Variants in SCARA5 observed in about 807,000 individuals in gnomAD.
The protein encoded by SCARA5 is scavenger receptor class A, member 5 (putative).
In SCARA5, 45 loss-of-function variants were observed where a neutral mutation model predicts 46.3. The ratio of observed to expected loss-of-function variants is 0.97; its 90% CI spans 0.76 to 1.24. SCARA5 has a LOEUF of 1.24. Ranked by LOEUF, SCARA5 falls within the 50% of genes most tolerant of loss-of-function variation. The pLI is 0.00. For synonymous variants in SCARA5, 333 were observed against 306.5 expected (o/e 1.09, Z -0.90); for missense variants, 680 against 689.0 (o/e 0.99, Z 0.15).
chr8:27,906,742 T>G (rs1441283359), intron 6 of SCARA5, among the ~76,000 whole-genome samples: 2 of 152,266 alleles, frequency 1.3e-5, no homozygotes, highest in Non-Finnish European at 2.9e-5. Context: ...GCTCTTGCTC[T>G]GTCACCCAGG....
chr8:27,900,487 C>T (rs1344465105), intron 7 of SCARA5, among the ~76,000 whole-genome samples: 2 of 152,150 alleles, frequency 1.3e-5, no homozygotes, highest in African/African-American at 2.4e-5. Flanking sequence ...AAAACATGTA[C>T]GAAGTGTTAA....
At position 27,920,486 on chromosome 8, in the gene SCARA5, C is replaced by T. The variant is rs894887855; in HGVS notation, c.916+1085G>A. Among the ~76,000 whole-genome samples the T allele has an allele frequency of 2.6e-5, 4 of 151,970 alleles. No homozygotes were observed. In the Middle Eastern group the frequency reaches 0.014, roughly 517 times the overall value. On this transcript the variant is annotated intron_variant, in intron 4 of 8. Coordinates refer to ENST00000354914, the MANE Select transcript of SCARA5 (RefSeq NM_173833.6). ...AAAATTAGCCAGGAGTGGTGGCACA[C>T]ACCTGTAATCCTAGCTACTCAGAAG...
intron 8 of SCARA5, among the ~76,000 whole-genome samples, chr8:27,872,318 C>T (rs1287061705): frequency 6.6e-6 from 1 of 152,164 alleles, no homozygotes; most frequent in African/African-American, 2.4e-5. Flanking sequence ...GTGTCAGAAG[C>T]CGGACAACCT....
intron 1 of SCARA5, 93 bp downstream of exon 1, chr8:27,992,164 G>A (rs1474072052): frequency 1.3e-5 from 2 of 152,242 alleles, no homozygotes; most frequent in African/African-American, 4.8e-5. Context: ...CCCAAACTCT[G>A]TACTCCTCTC....
chr8:27,903,169 G>A (rs1312917371), intron 7 of SCARA5: 1 of 152,198 alleles, frequency 6.6e-6, no homozygotes, highest in Admixed American at 6.5e-5. Flanking sequence ...ACTAAAGTGT[G>A]ATGTGAAGGG....
intron 3 of SCARA5, among the ~76,000 whole-genome samples, chr8:27,956,908 C>A (rs188359353): frequency 2.5e-3 from 376 of 152,318 alleles, no homozygotes; most frequent in Non-Finnish European, 3.2e-3. Context: ...ATTCCCAGAA[C>A]TTATAACTTC....
At chr8:27,922,349 A>C in intron 3 of SCARA5, 104 bp from the exon 4 acceptor site, 1 of 698,950 alleles carries the variant, frequency 1.4e-6, no homozygotes, top group Non-Finnish European at 2.2e-6. Flanking sequence ...GGTGCTCAAT[A>C]AATGATAGAC....
rs370541085 is a variant in SCARA5, at chr8:27,907,181, C to A, written c.1063G>T (p.Ala355Ser). The change falls in exon 6 of 9, where the codon GCC becomes TCC. Residue 355 changes from alanine (A) to serine (S), a missense_variant. Physicochemically the swap from Ala to Ser is moderately conservative, Grantham distance 99. This residue lies in a region of SCARA5 where 219 missense variants were observed against 269.5 expected (regional missense o/e 0.81). Transcript: ENST00000354914. ...GPKGDDGKLG[A>S]TGPMGMRGFK... ...CCACGCATGCCCATTGGTCCTGTGG[C>A]CCCCAGCTTCCCATCATCGCCCTTG... The A allele has an allele frequency of 5.0e-6, 8 of 1,613,122 alleles. No individual in the cohort carries two copies. The African/African-American group carries it at 8.0e-5, about 16-fold the overall frequency.
chr8:27,911,153 C>T (rs554849236), intron 4 of SCARA5, among the ~76,000 whole-genome samples: 1 of 152,272 alleles, frequency 6.6e-6, no homozygotes, highest in East Asian at 1.9e-4. Flanking sequence ...GCTCACTGCC[C>T]ACTCCTTGCA....
chr8:27,878,106 A>G (rs1477403463), intron 8 of SCARA5, among the ~76,000 whole-genome samples: 1 of 152,122 alleles, frequency 6.6e-6, no homozygotes, highest in Non-Finnish European at 1.5e-5. Flanking sequence ...GATGTGGGGA[A>G]CCCTGCCGTC....
At chr8:27,922,284 G>A in intron 3 of SCARA5, 39 bp from the exon 4 acceptor site, 1 of 1,459,754 alleles carries the variant, frequency 6.9e-7, no homozygotes, top group Non-Finnish European at 9.1e-7. Flanking sequence ...GCACCGCTGG[G>A]GAGGAAGGCC....
Position 27,987,596 on chromosome 8 carries a change from T to C in SCARA5, c.20A>G (p.Tyr7Cys), listed in dbSNP as rs1242112317. The C allele has an allele frequency of 2.5e-6, 4 of 1,613,502 alleles. No homozygotes were observed. The highest frequency in any genetic ancestry group is 3.4e-6 in the Non-Finnish European group (4 of 1,179,618). MENKAM[Y>C]LHTVSDCDTS... is the part of the protein sequence containing the mutation. ...GTCACAGTCGCTGACGGTGTGTAGGTACATAGCTTTGTTCTCCATCACACC... is the reference window on the plus strand; with the variant it reads ...GTCACAGTCGCTGACGGTGTGTAGGCACATAGCTTTGTTCTCCATCACACC... Residue 7 changes from tyrosine (Y) to cysteine (C), a missense_variant, in exon 2 of 9, where the codon TAC (tyrosine) becomes TGC (cysteine). By Grantham distance (194) the Tyr-to-Cys change is radical (BLOSUM62 -2). Coordinates refer to ENST00000354914, the MANE Select transcript of SCARA5 (RefSeq NM_173833.6).
Position 27,980,859 on chromosome 8 carries a change from C to A in SCARA5, c.112+6645G>T, listed in dbSNP as rs117400713. Among the ~76,000 whole-genome samples the A allele has an allele frequency of 8.3e-3, 1,270 of 152,204 alleles. 12 individuals carry two copies. The highest frequency in any genetic ancestry group is 0.014 in the Non-Finnish European group (961 of 67,992). ...GGAGTATCTAGGCCTCATGAGAATC[C>A]CACTAGTAACCAGAATGTTGCTTTC... On this transcript the variant is annotated intron_variant, in intron 2 of 8. Coordinates refer to ENST00000354914, the MANE Select transcript of SCARA5 (RefSeq NM_173833.6).
In SCARA5 at chr8:27,930,949, G is replaced by A. The variant is rs541704886; in HGVS notation, c.242-8704C>T. Among the ~76,000 whole-genome samples, 13 of 152,296 alleles carry A rather than the reference G, an allele frequency of 8.5e-5. 1 individual carries two copies. Among genetic ancestry groups the A allele is most frequent in the Middle Eastern group, 6.8e-3 (2 of 294 alleles). On this transcript the variant is annotated intron_variant, in intron 3 of 8. Coordinates refer to ENST00000354914, the MANE Select transcript of SCARA5 (RefSeq NM_173833.6). ...GGCAGAGTGTCAGAAGGGATGGGACGGAACGCCACTGCACAGCAAGCATAT... is the reference window on the plus strand; with the variant it reads ...GGCAGAGTGTCAGAAGGGATGGGACAGAACGCCACTGCACAGCAAGCATAT...
At chr8:27,971,930 A>G (rs1306479367) in intron 2 of SCARA5, among the ~76,000 whole-genome samples, 2 of 152,064 alleles carry the variant, frequency 1.3e-5, no homozygotes, top group Admixed American at 1.3e-4. Flanking sequence ...CTTTCTTAAC[A>G]TCACTCCACT....
intron 2 of SCARA5, among the ~76,000 whole-genome samples, chr8:27,969,508 G>A (rs1258685825): frequency 2.6e-5 from 4 of 152,168 alleles, no homozygotes; most frequent in African/African-American, 9.7e-5. Context: ...AGGGCAGGAG[G>A]GATGAACAGG....
At chr8:27,888,649 G>A (rs146334848) in intron 7 of SCARA5, among the ~76,000 whole-genome samples, 33 of 152,306 alleles carry the variant, frequency 2.2e-4, no homozygotes, top group African/African-American at 7.2e-4. Context: ...TCCTCCCACT[G>A]CACAACTTCA....
chr8:27,920,569 T>C (rs1165007747), intron 4 of SCARA5, among the ~76,000 whole-genome samples: 1 of 143,144 alleles, frequency 7.0e-6, no homozygotes, highest in Non-Finnish European at 1.5e-5. Flanking sequence ...AGGGAGATCA[T>C]GCCACTGAAC....
intron 2 of SCARA5, among the ~76,000 whole-genome samples, chr8:27,977,587 G>T (rs901857589): frequency 1.3e-5 from 2 of 152,128 alleles, no homozygotes; most frequent in African/African-American, 4.8e-5. Context: ...ATGCCAGGGC[G>T]GTAGATGTTT....
Sources: allele counts gnomAD v4.1 joint callset (sites outside exome capture counted in the v4.1 genomes callset), GRCh38; gene constraint gnomAD v4.1.1; regional missense constraint gnomAD v4.1.1; transcripts MANE v1.5; gene names NCBI Gene and HGNC (gene_info 2026-07-23, HGNC 2026-07-21).